The following SLC9B2 variants were observed in gnomAD, a reference collection of about 807,000 sequenced individuals.
The protein encoded by SLC9B2 is solute carrier family 9 member B2, also known as sodium/hydrogen exchanger 9B2.
SLC9B2 carries 39 observed loss-of-function variants against 52.2 expected under a neutral mutation model. The observed-to-expected ratio is 0.75, with a 90% CI of 0.58 to 0.98. SLC9B2 has a LOEUF of 0.98. SLC9B2 is among the 50% of genes least tolerant of loss of function. SLC9B2 has a pLI of 0.00. For synonymous variants in SLC9B2, 214 were observed against 227.0 expected (o/e 0.94, Z 0.51); for missense variants, 626 against 637.5 (o/e 0.98, Z 0.19).
chr4:103,049,581 C>T (rs1744477821), intron 5 of SLC9B2, among the ~76,000 whole-genome samples: 1 of 152,264 alleles, frequency 6.6e-6, no homozygotes, highest in South Asian at 2.1e-4. Flanking sequence ...TTGTATAGGG[C>T]TTTGCAAACC....
chr4:103,067,814 G>A (rs1746281907), intron 1 of SLC9B2, among the ~76,000 whole-genome samples: 1 of 151,808 alleles, frequency 6.6e-6, no homozygotes, highest in Admixed American at 6.6e-5. Flanking sequence ...AGCCTTTGTT[G>A]ACCAATCACA....
intron 10 of SLC9B2, among the ~76,000 whole-genome samples, chr4:103,031,328 T>C (rs555109713): frequency 6.6e-6 from 1 of 152,162 alleles, no homozygotes; most frequent in African/African-American, 2.4e-5. Flanking sequence ...GGGTACAAAC[T>C]ATAGAACTAA....
downstream of SLC9B2, among the ~76,000 whole-genome samples, chr4:103,021,191 C>T (rs1351996108): frequency 2.0e-5 from 3 of 152,142 alleles, no homozygotes; most frequent in African/African-American, 7.2e-5. Context: ...AGGCACTACT[C>T]TTATGCTCTA....
At position 103,025,117 on chromosome 4, in the gene SLC9B2, G is replaced by A. The variant is rs903589798; in HGVS notation, c.*1253C>T. 1.3e-5 allele frequency among the ~76,000 whole-genome samples: 2 copies of A among 152,106 alleles called. No individual in the cohort carries two copies. Among genetic ancestry groups the A allele is most frequent in the African/African-American group, 4.8e-5 (2 of 41,406 alleles). On this transcript the variant is annotated 3_prime_UTR_variant, in exon 12 of 12. Transcript: ENST00000394785. ...GACAACACTTAGCTGCCTCACAGCC[G>A]GATATGATCAATACCAATAAATGTA...
intron 3 of SLC9B2, among the ~76,000 whole-genome samples, chr4:103,058,435 T>C (rs913432504): frequency 3.3e-5 from 5 of 152,242 alleles, no homozygotes; most frequent in African/African-American, 1.2e-4. Flanking sequence ...TCTCCCTCTG[T>C]AGCCCAGGCT....
At chr4:103,021,523 T>C, downstream of SLC9B2, among the ~76,000 whole-genome samples, 1 of 152,152 alleles carries the variant, frequency 6.6e-6, no homozygotes. Context: ...ACCTTTCTTA[T>C]AAAAATTAAG....
At position 103,071,809 on chromosome 4, in the gene SLC9B2, C is replaced by T. The variant is rs577166442; in HGVS notation, c.-42-4217G>A. Among the ~76,000 whole-genome samples the T allele has an allele frequency of 7.2e-5, 11 of 152,158 alleles. No homozygotes were observed. In the South Asian group the frequency reaches 2.3e-3, roughly 32 times the overall value. ...TAGAGATGTGAGCCACCCTGCCTGG[C>T]CCTAATTTTAAATACATTTAAAAAT... is the stretch of plus-strand genomic sequence containing the variant. On this transcript the variant is annotated intron_variant, in intron 1 of 11. Transcript: ENST00000394785.
chr4:103,057,289 CAT>C (rs1040131995), intron 4 of SLC9B2, among the ~76,000 whole-genome samples: 29 of 145,838 alleles, frequency 2.0e-4, no homozygotes, highest in Non-Finnish European at 3.8e-4. Flanking sequence ...CACACACACA[CAT>C]ATATACACAC....
At chr4:103,047,646 T>C (rs1744293251) in intron 6 of SLC9B2, among the ~76,000 whole-genome samples, 1 of 150,934 alleles carries the variant, frequency 6.6e-6, no homozygotes. Context: ...CATGTGGTGT[T>C]TGGTTTTTTG....
intron 7 of SLC9B2, among the ~76,000 whole-genome samples, chr4:103,045,911 C>A (rs143789882): frequency 2.4e-4 from 36 of 152,014 alleles, no homozygotes; most frequent in Non-Finnish European, 4.1e-4. Flanking sequence ...AGGTATATAC[C>A]AGGAAAGTGG....
rs1742028021 is a variant in SLC9B2, at chr4:103,024,311, T to G, written c.*2059A>C. Among the ~76,000 whole-genome samples, 1 of 152,186 alleles carries G rather than the reference T, an allele frequency of 6.6e-6. No homozygotes were observed. The highest frequency in any genetic ancestry group is 2.4e-5 in the African/African-American group (1 of 41,452). On this transcript the variant is annotated 3_prime_UTR_variant, in exon 12 of 12. Transcript: ENST00000394785. ...GACCAGATGATCATTAAGTTTATGG[T>G]GCTCCCAGCAAAGTGCACCTAACCA...
chr4:103,029,242 C>T (rs1395749920), intron 10 of SLC9B2, among the ~76,000 whole-genome samples: 1 of 152,082 alleles, frequency 6.6e-6, no homozygotes, highest in East Asian at 1.9e-4. Context: ...AAGCTTTAAA[C>T]TAAGTACTGT....
chr4:103,067,154 A>G lies in SLC9B2; in HGVS notation c.90+307T>C, dbSNP rs532954207. On this transcript the variant is annotated intron_variant, in intron 2 of 11. Transcript: ENST00000394785. ...TAAAATTCAGGGCAATAATTGGCAC[A>G]TATACCAAAGTGGTTTAGAAAAAGA... Among the ~76,000 whole-genome samples the G allele has an allele frequency of 3.9e-5, 6 of 152,356 alleles. No homozygotes were observed. The South Asian group carries it at 1.2e-3, about 32-fold the overall frequency.
chr4:103,057,981 A>G lies in SLC9B2; in HGVS notation c.272-10T>C. ...AGAACAATGATGGTAACTGAAATAA[A>G]CCAGGAATACTAGTTACTATCAATA... On this transcript the variant is annotated splice_polypyrimidine_tract_variant and intron_variant, in intron 3 of 11. Transcript: ENST00000394785. 1 of 1,600,448 alleles carries G rather than the reference A, an allele frequency of 6.2e-7. No homozygotes were observed. Among genetic ancestry groups the G allele is most frequent in the Non-Finnish European group, 8.5e-7 (1 of 1,176,550 alleles).
intron 1 of SLC9B2, among the ~76,000 whole-genome samples, chr4:103,072,056 G>GGTTTTTTTTTTTTTTTTT (rs1746686766): frequency 1.0e-5 from 1 of 95,306 alleles, no homozygotes; most frequent in South Asian, 3.7e-4. Context: ...TGGCTTTCAT[G>GGTTTTTTTTTTTTTTTTT]TTTTTTTTTT....
chr4:103,031,748 G>C lies in SLC9B2; in HGVS notation c.1207C>G (p.Leu403Val). Residue 403 changes from leucine (L) to valine (V), a missense_variant, in exon 10 of 12, where the codon CTA becomes GTA. Physicochemically the swap from Leu to Val is conservative, Grantham distance 32. Coordinates refer to ENST00000394785, the MANE Select transcript of SLC9B2 (RefSeq NM_178833.7). ...WDIFQPLLFG[L>V]IGAEVSIASL... Reference sequence around the variant, plus strand: ...GCAATAGATACCTCTGCTCCAATTAGTCCAAAAAGAAGGGGCTGAAAAATG... The same window carrying C: ...GCAATAGATACCTCTGCTCCAATTACTCCAAAAAGAAGGGGCTGAAAAATG... The C allele has an allele frequency of 1.9e-6, 3 of 1,612,792 alleles. No homozygotes were observed. Among genetic ancestry groups the C allele is most frequent in the Non-Finnish European group, 1.7e-6 (2 of 1,179,228 alleles).
rs530846289 is a variant in SLC9B2, at chr4:103,026,355, T to C, written c.*15A>G. ...GCTTTCTAAACATTATGTTCAGCAC[T>C]CTCTCTTTTCACCTCTAAACTTGCA... On this transcript the variant is annotated 3_prime_UTR_variant, in exon 12 of 12. Coordinates refer to ENST00000394785, the MANE Select transcript of SLC9B2 (RefSeq NM_178833.7). 1.3e-6 allele frequency: 2 copies of C among 1,589,920 alleles called. No homozygotes were observed. Among genetic ancestry groups the C allele is most frequent in the Non-Finnish European group, 1.7e-6 (2 of 1,165,792 alleles).
chr4:103,047,336 CT>C (rs1051488776), intron 6 of SLC9B2, 110 bp from the exon 7 acceptor site: 10,017 of 662,600 alleles, frequency 0.015, no homozygotes, highest in South Asian at 0.024. Context: ...AACAGTCTTT[CT>C]TTTTTTTTTT....
At position 103,067,566 on chromosome 4, in the gene SLC9B2, A is replaced by C; in HGVS notation, c.-16T>G. 1 of 1,569,928 alleles carries C rather than the reference A, an allele frequency of 6.4e-7. No homozygotes were observed. The highest frequency in any genetic ancestry group is 8.8e-7 in the Non-Finnish European group (1 of 1,140,740). ...CATCCCCCATTATTTATAATTAAGAAGATGACACAGGGAAGAGGAACGAGA... is the reference window on the plus strand; with the variant it reads ...CATCCCCCATTATTTATAATTAAGACGATGACACAGGGAAGAGGAACGAGA... On this transcript the variant is annotated 5_prime_UTR_variant, in exon 2 of 12. Transcript: ENST00000394785.
Sources: gnomAD v4.1 joint callset for allele counts (sites outside exome capture counted in the v4.1 genomes callset) on GRCh38, gnomAD v4.1.1 for gene constraint, MANE v1.5 for transcripts, NCBI Gene and HGNC (gene_info 2026-07-23, HGNC 2026-07-21) for gene names.